CABIN1: variants seen among roughly 807,000 people sequenced by gnomAD.
CABIN1 encodes the protein calcineurin binding protein 1, also known as calcineurin-binding protein cabin-1.
CABIN1 carries 133 observed loss-of-function variants against 227.7 expected under a neutral mutation model. That is an observed-to-expected ratio of 0.58 (90% confidence interval 0.51 to 0.67). CABIN1 has a LOEUF of 0.67. Ranked by LOEUF, CABIN1 falls within the 30% of genes least tolerant of loss-of-function variation. CABIN1 has a pLI of 0.00. For synonymous variants in CABIN1, 1,086 were observed against 1,155.1 expected, an observed-to-expected ratio of 0.94 and a Z score of 1.21; for missense variants, 2,408 against 2,852.5, an observed-to-expected ratio of 0.84 and a Z score of 3.55.
intron 31 of CABIN1, among the ~76,000 whole-genome samples, chr22:24,165,876 T>C (rs936589845): frequency 6.6e-6 from 1 of 152,228 alleles, no homozygotes; most frequent in Admixed American, 6.5e-5. Flanking sequence ...TCCATGAAAC[T>C]GAGCTCCCCA....
Position 24,143,760 on chromosome 22 carries a change from T to C in CABIN1, c.4746+9345T>C, listed in dbSNP as rs573651879. ...TTAGGTACTATTATCATCCTCATTG[T>C]ACAGACGGGGAAGTTGTTACCAATA... On this transcript the variant is annotated intron_variant, in intron 29 of 36. Transcript: ENST00000263119. Among the ~76,000 whole-genome samples, 7 of 152,316 alleles carry C rather than the reference T, an allele frequency of 4.6e-5. No individual in the cohort carries two copies. The East Asian group carries it at 1.2e-3, about 25-fold the overall frequency.
chr22:24,098,198 G>T lies in CABIN1; in HGVS notation c.4117+6G>T. The T allele has an allele frequency of 6.2e-7, 1 of 1,614,020 alleles. No individual in the cohort carries two copies. The highest frequency in any genetic ancestry group is 8.5e-7 in the Non-Finnish European group (1 of 1,179,962). ...CCAGCAGGCAACGCCGGACGGTACA[G>T]TCCCTGTTCTCCCTACTGCCAGCCC... is the stretch of plus-strand genomic sequence containing the variant. On this transcript the variant is annotated splice_donor_region_variant and intron_variant, in intron 26 of 36. Transcript: ENST00000263119.
intron 15 of CABIN1, among the ~76,000 whole-genome samples, chr22:24,065,811 G>A (rs556053634): frequency 1.7e-3 from 265 of 152,382 alleles, no homozygotes; most frequent in African/African-American, 5.3e-3. Context: ...AGACCAGCCC[G>A]GCCAACACAG....
At chr22:24,024,418 T>C (rs969845758) in intron 1 of CABIN1, among the ~76,000 whole-genome samples, 1 of 152,228 alleles carries the variant, frequency 6.6e-6, no homozygotes, top group African/African-American at 2.4e-5. Context: ...TTCCTAAGAA[T>C]TGCTTCTCTC....
intron 33 of CABIN1, chr22:24,170,252 C>T (rs59171825): frequency 2.3e-6 from 1 of 426,286 alleles, no homozygotes; most frequent in Non-Finnish European, 4.8e-6. Flanking sequence ...CTCTGGTTCT[C>T]TCCTCCCTTA....
chr22:24,166,617 C>T, intron 31 of CABIN1, 22 bp from the exon 32 acceptor site: 2 of 1,612,658 alleles, frequency 1.2e-6, no homozygotes, highest in Non-Finnish European at 1.7e-6. Flanking sequence ...GACACAGCTT[C>T]TTACCTTTGG....
intron 29 of CABIN1, among the ~76,000 whole-genome samples, chr22:24,159,627 T>G (rs2046035643): frequency 6.6e-6 from 1 of 152,158 alleles, no homozygotes; most frequent in Non-Finnish European, 1.5e-5. Flanking sequence ...GCCCTCTTGC[T>G]TGAGCCTCAC....
chr22:24,102,739 G>A (rs2042279848), intron 26 of CABIN1, among the ~76,000 whole-genome samples: 2 of 152,142 alleles, frequency 1.3e-5, no homozygotes, highest in Admixed American at 6.5e-5. Flanking sequence ...AAGAGTGGGA[G>A]CCTTGGAGGC....
intron 23 of CABIN1, among the ~76,000 whole-genome samples, chr22:24,089,389 G>A (rs1384373280): frequency 6.6e-6 from 1 of 152,200 alleles, no homozygotes; most frequent in Non-Finnish European, 1.5e-5. Context: ...ACTGAACTCA[G>A]TGTTGATCTT....
At chr22:24,127,860 A>G (rs1336004660) in intron 28 of CABIN1, among the ~76,000 whole-genome samples, 1 of 152,136 alleles carries the variant, frequency 6.6e-6, no homozygotes, top group Non-Finnish European at 1.5e-5. Flanking sequence ...ACAGTTGTAT[A>G]TATATGAGTA....
intron 23 of CABIN1, 125 bp from the exon 24 acceptor site, chr22:24,091,458 T>C (rs2041535313): frequency 8.3e-7 from 1 of 1,199,930 alleles, no homozygotes; most frequent in East Asian, 2.4e-5. Flanking sequence ...AGGGCATTTC[T>C]GTGTCTTGGT....
Position 24,165,587 on chromosome 22 carries a change from T to G in CABIN1, c.4968T>G (p.Thr1656=), listed in dbSNP as rs141154605. The change falls in exon 31 of 37, where the codon ACT becomes ACG. Residue 1656 remains threonine (T), a synonymous_variant. Transcript: ENST00000263119. ...QVLAQRAFIL[T]VKVLEDTLSE... is the part of the protein sequence containing the mutation. ...TGGCGCAGCGGGCCTTCATCCTCAC[T>G]GTGAAGGTGCTCGAAGACACGCTGA... The G allele has an allele frequency of 2.5e-6, 4 of 1,613,198 alleles. No individual in the cohort carries two copies. Among genetic ancestry groups the G allele is most frequent in the Admixed American group, 1.7e-5 (1 of 60,006 alleles).
chr22:24,043,629 G>A (rs1272435262), intron 6 of CABIN1, among the ~76,000 whole-genome samples: 1 of 152,078 alleles, frequency 6.6e-6, no homozygotes, highest in Non-Finnish European at 1.5e-5. Context: ...GTGCGTGACT[G>A]TCATCCCAGC....
At chr22:24,176,079 C>CT (rs746162573) in intron 34 of CABIN1, 32 bp from the exon 35 acceptor site, 1 of 1,601,878 alleles carries the variant, frequency 6.2e-7, no homozygotes, top group South Asian at 1.1e-5. Context: ...GTGGATGAGT[C>CT]TATTACCTGC....
At position 24,096,044 on chromosome 22, in the gene CABIN1, C is replaced by G. The variant is rs747895574; in HGVS notation, c.3900C>G (p.Ala1300=). The G allele has an allele frequency of 5.0e-6, 8 of 1,614,024 alleles. No individual in the cohort carries two copies. In the South Asian group the frequency reaches 8.8e-5, roughly 18 times the overall value. Residue 1300 remains alanine, a synonymous_variant, in exon 25 of 37, where the codon GCC becomes GCG. Transcript: ENST00000263119. ...AGGAGGCTGCAGAAGGACCCTTTGC[C>G]AGGGGCGAGGAGAAGAACACACCCA... is the stretch of plus-strand genomic sequence containing the variant. ...FMKEAAEGPF[A]RGEEKNTPKA...
At chr22:24,171,434 T>A (rs1021278939) in intron 33 of CABIN1, among the ~76,000 whole-genome samples, 1 of 152,028 alleles carries the variant, frequency 6.6e-6, no homozygotes, top group African/African-American at 2.4e-5. Context: ...CAGCTGGAGG[T>A]CCTTCCACTG....
intron 1 of CABIN1, among the ~76,000 whole-genome samples, chr22:24,018,542 C>G (rs914477958): frequency 6.6e-6 from 1 of 152,190 alleles, no homozygotes; most frequent in Admixed American, 6.5e-5. Flanking sequence ...GTATTTAATA[C>G]AAAGTTCATC....
At chr22:24,176,425 C>A in intron 35 of CABIN1, 150 bp downstream of exon 35, 1 of 925,932 alleles carries the variant, frequency 1.1e-6, no homozygotes, top group Non-Finnish European at 1.7e-6. Context: ...GTAGTGCAGG[C>A]TGGACAGGGG....
intron 34 of CABIN1, among the ~76,000 whole-genome samples, chr22:24,172,562 G>A (rs2046879840): frequency 6.6e-6 from 1 of 152,212 alleles, no homozygotes; most frequent in Non-Finnish European, 1.5e-5. Context: ...GGGCAGGTCA[G>A]GGGGCTTGTG....
Sources: allele counts gnomAD v4.1 joint callset (sites outside exome capture counted in the v4.1 genomes callset), GRCh38; gene constraint gnomAD v4.1.1; transcripts MANE v1.5; gene names NCBI Gene and HGNC (gene_info 2026-07-23, HGNC 2026-07-21).